POGLUT3: variants seen among roughly 807,000 people sequenced by gnomAD.
The protein encoded by POGLUT3 is KDEL (Lys-Asp-Glu-Leu) containing 2.
A neutral mutation model predicts 54.3 loss-of-function variants in POGLUT3; 48 were observed. That is an observed-to-expected ratio of 0.88 (90% CI 0.70 to 1.12). The LOEUF (loss-of-function observed/expected upper bound fraction) is 1.12, where lower values mean the gene tolerates loss of function less well. POGLUT3 is among the 50% of genes most tolerant of loss of function. The pLI is 0.00. For missense variants in POGLUT3, 629 were observed against 618.7 expected (o/e 1.02, Z -0.18); for synonymous variants, 218 against 237.4 (o/e 0.92, Z 0.75).
rs1162682425 is a variant in POGLUT3, at chr11:108,498,259, C to A, written c.108G>T (p.Gly36=). 1 of 1,500,676 alleles carries A rather than the reference C, an allele frequency of 6.7e-7. No individual in the cohort carries two copies. 93.0% of individuals were successfully genotyped at this position (1,500,676 alleles called of 1,614,324 possible). A position where few individuals can be genotyped will look rare whatever the true frequency, so the allele number is the denominator to read the frequency against. ...GGACGACGGCCGCCTGCAGCCCGGG[C>A]CCCCACACCAGGCTCCGCGGCGCGC... The part of the protein sequence containing the change: ...LVSAPRSLVW[G]PGLQAAVVLP... Residue 36 remains glycine, a synonymous_variant, in exon 1 of 8, where the codon GGG becomes GGT. Transcript: ENST00000323468.
intron 7 of POGLUT3, 125 bp downstream of exon 7, chr11:108,477,482 G>T (rs578141878): frequency 3.1e-6 from 2 of 644,994 alleles, no homozygotes; most frequent in Non-Finnish European, 5.6e-6. Context: ...CAAGTGCCTT[G>T]GCTTAGCCAG....
chr11:108,495,168 C>T (rs1379947125), intron 1 of POGLUT3, among the ~76,000 whole-genome samples: 2 of 152,212 alleles, frequency 1.3e-5, no homozygotes, highest in African/African-American at 2.4e-5. Flanking sequence ...TTGTGTACAA[C>T]AGGCTACAGC....
chr11:108,498,085 G>A (rs2093625525), intron 1 of POGLUT3, 80 bp downstream of exon 1: 8 of 1,274,298 alleles, frequency 6.3e-6, no homozygotes, highest in Non-Finnish European at 7.2e-6. Flanking sequence ...ACGCCACGCA[G>A]GCCGCGGGCG....
intron 5 of POGLUT3, 36 bp downstream of exon 5, chr11:108,481,144 C>A: frequency 6.7e-7 from 1 of 1,484,638 alleles, no homozygotes; most frequent in South Asian, 1.3e-5. Flanking sequence ...ACAATTTTAT[C>A]GCTTCATATC....
chr11:108,496,963 A>C (rs1591647297), intron 1 of POGLUT3, among the ~76,000 whole-genome samples: 1 of 152,364 alleles, frequency 6.6e-6, no homozygotes, highest in East Asian at 1.9e-4. Context: ...GCGTCCTTCT[A>C]TATGCCTGCC....
Position 108,498,285 on chromosome 11 carries a change from T to A in POGLUT3, c.82A>T (p.Ser28Cys). ...VAAGAPEVLV[S>C]APRSLVWGPG... ...CCCCACACCAGGCTCCGCGGCGCGC[T>A]GACCAGCACCTCCGGGGCCCCCGCG... The change falls in exon 1 of 8, where the codon AGC (serine) becomes TGC (cysteine). Residue 28 changes from serine to cysteine, a missense_variant. By Grantham distance (112) the Ser-to-Cys change is moderately radical (BLOSUM62 -1). Coordinates refer to ENST00000323468, the MANE Select transcript of POGLUT3 (RefSeq NM_153705.5). The A allele has an allele frequency of 6.8e-7, 1 of 1,479,760 alleles. No homozygotes were observed. The highest frequency in any genetic ancestry group is 1.9e-4 in the Middle Eastern group (1 of 5,138). 91.7% of individuals were successfully genotyped at this position (1,479,760 alleles called of 1,614,324 possible). A position where few individuals can be genotyped will look rare whatever the true frequency, so the allele number is the denominator to read the frequency against.
chr11:108,495,781 C>T (rs918410940), intron 1 of POGLUT3, among the ~76,000 whole-genome samples: 2 of 151,914 alleles, frequency 1.3e-5, no homozygotes, highest in Non-Finnish European at 2.9e-5. Flanking sequence ...GCCTCAGCCT[C>T]CCAAGTAGGT....
At chr11:108,474,976 C>G in intron 7 of POGLUT3, 24 bp from the exon 8 acceptor site, 1 of 1,612,596 alleles carries the variant, frequency 6.2e-7, no homozygotes, top group Non-Finnish European at 8.5e-7. Flanking sequence ...TTAAAGGGAA[C>G]TGAAAGGTTA....
intron 2 of POGLUT3, among the ~76,000 whole-genome samples, chr11:108,489,811 T>G (rs2093609910): frequency 6.6e-6 from 1 of 152,104 alleles, no homozygotes; most frequent in Non-Finnish European, 1.5e-5. Context: ...CTGGGCATGG[T>G]GGTATGTGCC....
Position 108,474,796 on chromosome 11 carries a change from G to T in POGLUT3, c.*31C>A. 1 of 1,612,358 alleles carries T rather than the reference G, an allele frequency of 6.2e-7. No homozygotes were observed. Among genetic ancestry groups the T allele is most frequent in the South Asian group, 1.1e-5 (1 of 90,878 alleles). Reference sequence around the variant, plus strand: ...TTCAATCTTTCCTTAAAGTGTAGCCGGGATACACAGGAGTGTGATTCTGGG... The same window carrying T: ...TTCAATCTTTCCTTAAAGTGTAGCCTGGATACACAGGAGTGTGATTCTGGG... On this transcript the variant is annotated 3_prime_UTR_variant, in exon 8 of 8. Transcript: ENST00000323468.
rs1339261573 is a variant in POGLUT3, at chr11:108,479,301, C to T, written c.1293G>A (p.Lys431=). 6.2e-7 allele frequency: 1 copy of T among 1,606,392 alleles called. No homozygotes were observed. Among genetic ancestry groups the T allele is most frequent in the Non-Finnish European group, 8.5e-7 (1 of 1,177,446 alleles). Residue 431 remains lysine, a splice_region_variant and synonymous_variant, in exon 6 of 8, where the codon AAG becomes AAA. Transcript: ENST00000323468. ...GAAATAAAAATTGCTGGACGCATACCTTAGCCCATTTAACTTTCTCTAATA... is the reference window on the plus strand; with the variant it reads ...GAAATAAAAATTGCTGGACGCATACTTTAGCCCATTTAACTTTCTCTAATA... ...SDLLEKVKWA[K]ENDEEAKKIA... is the part of the protein sequence containing the mutation.
At chr11:108,475,052 T>A (rs1187180943) in intron 7 of POGLUT3, 100 bp from the exon 8 acceptor site, 3 of 1,294,106 alleles carry the variant, frequency 2.3e-6, no homozygotes, top group Non-Finnish European at 3.3e-6. Flanking sequence ...CTTTTCTAGT[T>A]GCTGTGTGTC....
At chr11:108,476,799 T>A (rs1303029184) in intron 7 of POGLUT3, among the ~76,000 whole-genome samples, 1 of 152,184 alleles carries the variant, frequency 6.6e-6, no homozygotes, top group African/African-American at 2.4e-5. Context: ...ATATTTCTCA[T>A]TAGTTTGTTT....
intron 1 of POGLUT3, among the ~76,000 whole-genome samples, chr11:108,496,231 G>A (rs2093622042): frequency 6.6e-6 from 1 of 152,002 alleles, no homozygotes; most frequent in African/African-American, 2.4e-5. Context: ...TGAGGCAAGA[G>A]GATCCCTTGA....
intron 3 of POGLUT3, among the ~76,000 whole-genome samples, chr11:108,483,654 C>T (rs908270569): frequency 2.0e-5 from 3 of 152,032 alleles, no homozygotes; most frequent in African/African-American, 7.2e-5. Context: ...CACCCTCTTG[C>T]TTCCCTGTCA....
chr11:108,496,426 T>C (rs1331045762), intron 1 of POGLUT3, among the ~76,000 whole-genome samples: 1 of 151,676 alleles, frequency 6.6e-6, no homozygotes, highest in African/African-American at 2.4e-5. Context: ...AAAAGTTTTA[T>C]TGTAACATAA....
At chr11:108,495,445 A>T (rs2093620635) in intron 1 of POGLUT3, among the ~76,000 whole-genome samples, 1 of 152,360 alleles carries the variant, frequency 6.6e-6, no homozygotes, top group East Asian at 1.9e-4. Flanking sequence ...TGCTGAGATT[A>T]CAAGGCATGA....
intron 1 of POGLUT3, among the ~76,000 whole-genome samples, chr11:108,497,649 A>C (rs2093624512): frequency 6.6e-6 from 1 of 152,206 alleles, no homozygotes; most frequent in Non-Finnish European, 1.5e-5. Context: ...TGCTTTCAAA[A>C]ACTCAGAACT....
chr11:108,489,591 CCTATAA>C (rs1308797065), intron 2 of POGLUT3, among the ~76,000 whole-genome samples: 16 of 152,124 alleles, frequency 1.1e-4, no homozygotes, highest in Non-Finnish European at 1.0e-4. Context: ...AACCCATCAA[CCTATAA>C]CTATAACTAG....
Sources: gnomAD v4.1 joint callset for allele counts (sites outside exome capture counted in the v4.1 genomes callset) on GRCh38, gnomAD v4.1.1 for gene constraint, MANE v1.5 for transcripts, NCBI Gene and HGNC (gene_info 2026-07-23, HGNC 2026-07-21) for gene names.